Variants in CFAP20DC observed in about 807,000 individuals in gnomAD.
CFAP20DC encodes CFAP20 domain containing, also known as protein CFAP20DC.
CFAP20DC carries 84 observed loss-of-function variants against 101.7 expected under a neutral mutation model. That is an observed-to-expected ratio of 0.83 (90% CI 0.69 to 0.99). The LOEUF (loss-of-function observed/expected upper bound fraction) is 0.99. Among genes scored for constraint, CFAP20DC ranks in the 50% least tolerant of loss-of-function variants. The probability of loss-of-function intolerance (pLI) is 0.00; values close to 1 mark genes in which losing one functional copy is unlikely to be tolerated. For missense variants in CFAP20DC, 1,007 were observed against 970.3 expected (o/e 1.04, Z -0.50); for synonymous variants, 359 against 351.2 (o/e 1.02, Z -0.25).
At chr3:58,734,533 C>T in intron 3 of CFAP20DC, 1 of 456,480 alleles carries the variant, frequency 2.2e-6, no homozygotes, top group South Asian at 1.5e-5. Context: ...TCTCCAAGCT[C>T]TCCAGCTTTC....
intron 5 of CFAP20DC, among the ~76,000 whole-genome samples, chr3:58,920,821 T>C (rs1161251534): frequency 6.6e-6 from 1 of 152,212 alleles, no homozygotes; most frequent in Non-Finnish European, 1.5e-5. Context: ...TTGGGAAATG[T>C]TCCTCCTTAT....
intron 14 of CFAP20DC, among the ~76,000 whole-genome samples, chr3:58,812,559 G>T (rs1037526532): frequency 2.0e-5 from 3 of 151,602 alleles, no homozygotes; most frequent in Non-Finnish European, 2.9e-5. Context: ...CTGTTGTGGG[G>T]TGGGGGGAGC....
At chr3:58,862,736 AT>A in intron 12 of CFAP20DC, 6 of 968,768 alleles carry the variant, frequency 6.2e-6, no homozygotes, top group Non-Finnish European at 7.4e-6. Context: ...TAATTTCTAT[AT>A]AGAAAAGCTT....
chr3:59,011,821 T>A (rs2108871332), intron 4 of CFAP20DC, among the ~76,000 whole-genome samples: 1 of 152,306 alleles, frequency 6.6e-6, no homozygotes, highest in South Asian at 2.1e-4. Context: ...TGGACAATTA[T>A]TTGTTAGGTA....
At chr3:58,995,707 C>T (rs956804779) in intron 4 of CFAP20DC, among the ~76,000 whole-genome samples, 7 of 152,126 alleles carry the variant, frequency 4.6e-5, no homozygotes, top group African/African-American at 1.7e-4. Context: ...GTGGTTAGGT[C>T]TCATCCAATC....
intron 4 of CFAP20DC, among the ~76,000 whole-genome samples, chr3:59,035,907 CA>C (rs1200115771): frequency 6.6e-6 from 1 of 152,000 alleles, no homozygotes; most frequent in Non-Finnish European, 1.5e-5. Context: ...GAGAAAATTT[CA>C]GGCCAATATC....
At chr3:58,720,513 T>C (rs1178394238) in intron 3 of CFAP20DC, among the ~76,000 whole-genome samples, 5 of 152,172 alleles carry the variant, frequency 3.3e-5, no homozygotes, top group Non-Finnish European at 5.9e-5. Flanking sequence ...CTCTGACTTT[T>C]AGTCTGCTGG....
chr3:58,785,468 C>G (rs1486302566), intron 15 of CFAP20DC, among the ~76,000 whole-genome samples: 1 of 152,060 alleles, frequency 6.6e-6, no homozygotes, highest in Non-Finnish European at 1.5e-5. Flanking sequence ...GATAAATATT[C>G]AAGATGGATA....
intron 15 of CFAP20DC, among the ~76,000 whole-genome samples, chr3:58,796,010 A>G (rs542276317): frequency 1.3e-5 from 2 of 152,262 alleles, no homozygotes; most frequent in African/African-American, 4.8e-5. Context: ...GAGAGTGAAG[A>G]CAAATAAATC....
Position 58,971,242 on chromosome 3 carries a change from A to C in CFAP20DC, c.279-33480T>G, listed in dbSNP as rs879004442. Among the ~76,000 whole-genome samples the C allele has an allele frequency of 7.2e-5, 11 of 152,174 alleles. 1 individual carries two copies. The highest frequency in any genetic ancestry group is 6.6e-4 in the Admixed American group (10 of 15,260). The stretch of plus-strand genomic sequence containing the variant: ...TGGCACTGAAAGTACGTTTTTCACA[A>C]ATCACAAATCAGTTAAGGATTCACA... On this transcript the variant is annotated intron_variant, in intron 4 of 16. Transcript: ENST00000482387. This position sits in a 1 kb window ranked among gnomAD's most constrained non-coding sequence, Gnocchi z 4.1.
intron 15 of CFAP20DC, among the ~76,000 whole-genome samples, chr3:58,781,150 C>T (rs1331289055): frequency 6.6e-6 from 1 of 151,604 alleles, no homozygotes; most frequent in African/African-American, 2.4e-5. Context: ...GGAAACTGTA[C>T]AAATACATGG....
rs1221173133 is a variant in CFAP20DC, at chr3:58,899,357, A to C, written c.550+14351T>G. Reference sequence around the variant, plus strand: ...ACTGGGGACTCGGTCCTTCTCAGGCAGACTCAAGCCTGCTGCTGCTGACTG... The same window carrying C: ...ACTGGGGACTCGGTCCTTCTCAGGCCGACTCAAGCCTGCTGCTGCTGACTG... On this transcript the variant is annotated intron_variant, in intron 6 of 16. Coordinates refer to ENST00000482387, the MANE Select transcript of CFAP20DC (RefSeq NM_001394063.1). The surrounding 1 kb of genome is among the most constrained non-coding windows in gnomAD (Gnocchi z 5.0). Among the ~76,000 whole-genome samples the C allele has an allele frequency of 6.6e-6, 1 of 152,222 alleles. No individual in the cohort carries two copies. The highest frequency in any genetic ancestry group is 2.4e-5 in the African/African-American group (1 of 41,456).
chr3:58,896,662 G>A (rs1020379896), intron 6 of CFAP20DC, among the ~76,000 whole-genome samples: 1 of 152,076 alleles, frequency 6.6e-6, no homozygotes, highest in African/African-American at 2.4e-5. Context: ...CTCAGGATCC[G>A]GTTGTTCAAT....
chr3:58,842,166 G>C (rs1254027195), intron 13 of CFAP20DC, among the ~76,000 whole-genome samples: 1 of 152,194 alleles, frequency 6.6e-6, no homozygotes, highest in African/African-American at 2.4e-5. Flanking sequence ...GAGGAGCCAA[G>C]ATGGCCGAAT....
At chr3:58,890,917 C>G (rs374090434) in intron 6 of CFAP20DC, among the ~76,000 whole-genome samples, 1 of 142,790 alleles carries the variant, frequency 7.0e-6, no homozygotes, top group Non-Finnish European at 1.5e-5. Context: ...GGCGGCCGGG[C>G]GGAGACGCTC....
intron 13 of CFAP20DC, among the ~76,000 whole-genome samples, chr3:58,843,558 G>C (rs919177296): frequency 6.6e-6 from 1 of 151,950 alleles, no homozygotes; most frequent in Non-Finnish European, 1.5e-5. Context: ...GAAAGTAATG[G>C]GGAGAATGGA....
chr3:58,848,435 T>C (rs1046478352), intron 13 of CFAP20DC, among the ~76,000 whole-genome samples: 6 of 152,206 alleles, frequency 3.9e-5, no homozygotes, highest in African/African-American at 1.4e-4. Context: ...TAGCCTCATT[T>C]GTTCTCTAGT....
chr3:58,822,350 C>T (rs2075729756), intron 14 of CFAP20DC, among the ~76,000 whole-genome samples: 1 of 144,522 alleles, frequency 6.9e-6, no homozygotes, highest in South Asian at 2.2e-4. Context: ...AAAAACCAAA[C>T]ACCGCATATT....
chr3:58,815,228 G>A (rs927529643), intron 14 of CFAP20DC, among the ~76,000 whole-genome samples: 8 of 151,468 alleles, frequency 5.3e-5, no homozygotes, highest in African/African-American at 2.0e-4. Context: ...TCTAATCTTT[G>A]ACAAACCTGA....
Sources: gnomAD v4.1 joint callset for allele counts (sites outside exome capture counted in the v4.1 genomes callset) on GRCh38, gnomAD v4.1.1 for gene constraint, Gnocchi (gnomAD v3.1) non-coding constraint, MANE v1.5 for transcripts, NCBI Gene and HGNC (gene_info 2026-07-23, HGNC 2026-07-21) for gene names.